Variants in CCDC18 observed in about 807,000 individuals in gnomAD.
The protein encoded by CCDC18 is coiled-coil domain containing 18, also known as coiled-coil domain-containing protein 18.
A neutral mutation model predicts 196.0 loss-of-function variants in CCDC18; 157 were observed. The ratio of observed to expected loss-of-function variants is 0.80; its 90% confidence interval spans 0.70 to 0.91. The LOEUF is 0.91. Among genes scored for constraint, CCDC18 ranks in the 40% least tolerant of loss-of-function variants. CCDC18 has a pLI of 0.00. For synonymous variants in CCDC18, 482 were observed against 529.2 expected (o/e 0.91, Z 1.22); for missense variants, 1,465 against 1,611.6 (o/e 0.91, Z 1.56).
intron 26 of CCDC18, 41 bp from the exon 27 acceptor site, chr1:93,264,659 AT>A: frequency 3.2e-6 from 4 of 1,238,378 alleles, no homozygotes; most frequent in South Asian, 2.7e-5. Context: ...GTTTCCTTCC[AT>A]TTTTTTATTT....
chr1:93,228,678 CT>C (rs35733080), intron 17 of CCDC18, among the ~76,000 whole-genome samples: 131 of 146,092 alleles, frequency 9.0e-4, no homozygotes, highest in Admixed American at 9.5e-4. Context: ...TAGGAATGTC[CT>C]TTTTTTTTTT....
At position 93,227,683 on chromosome 1, in the gene CCDC18, G is replaced by A. The variant is rs910862199; in HGVS notation, c.2292+1234G>A. Among the ~76,000 whole-genome samples the A allele has an allele frequency of 2.0e-5, 3 of 151,910 alleles. No individual in the cohort carries two copies. In the South Asian group the frequency reaches 6.2e-4, roughly 32 times the overall value. ...CAAGGTTGACTTTTGGCCACTCATT[G>A]TTGCTCACGCCTATAAGCCCAGCAC... On this transcript the variant is annotated intron_variant, in intron 17 of 28. Coordinates refer to ENST00000690025, the MANE Select transcript of CCDC18 (RefSeq NM_001378204.1).
intron 28 of CCDC18, among the ~76,000 whole-genome samples, 179 bp from the exon 29 acceptor site, chr1:93,278,284 C>T (rs1024152005): frequency 6.6e-6 from 1 of 152,128 alleles, no homozygotes; most frequent in African/African-American, 2.4e-5. Flanking sequence ...CCACTGCACC[C>T]GGCCTGCATT....
At chr1:93,190,985 A>G (rs1171285108) in intron 4 of CCDC18, 2 of 1,010,412 alleles carry the variant, frequency 2.0e-6, no homozygotes, top group Non-Finnish European at 3.1e-6. Context: ...CCCTTCTTGT[A>G]CTGTGTCACT....
chr1:93,192,150 A>G, intron 5 of CCDC18, 44 bp downstream of exon 5: 1 of 1,257,742 alleles, frequency 8.0e-7, no homozygotes, highest in Non-Finnish European at 1.2e-6. Flanking sequence ...TTTTCTACTT[A>G]TACATTTTAT....
intron 12 of CCDC18, among the ~76,000 whole-genome samples, chr1:93,215,472 T>C (rs1023147267): frequency 6.7e-6 from 1 of 148,270 alleles, no homozygotes; most frequent in African/African-American, 2.6e-5. Flanking sequence ...TTTTTTTTTC[T>C]TAGAGACAGG....
In CCDC18 at chr1:93,236,246, A is replaced by C; in HGVS notation, c.2461-2A>C. ...AATGTTTACTGAAAACTGCTTTACA[A>C]GGTGTCAAAACTGGAACAAGAACTT... On this transcript the variant is annotated splice_acceptor_variant, in intron 18 of 28. Coordinates refer to ENST00000690025, the MANE Select transcript of CCDC18 (RefSeq NM_001378204.1). LOFTEE classifies it high-confidence loss of function. 1 of 1,565,574 alleles carries C rather than the reference A, an allele frequency of 6.4e-7. No individual in the cohort carries two copies. Among genetic ancestry groups the C allele is most frequent in the South Asian group, 1.2e-5 (1 of 82,752 alleles).
intron 2 of CCDC18, 131 bp downstream of exon 2, chr1:93,183,626 A>G (rs903933087): frequency 1.5e-6 from 1 of 645,578 alleles, no homozygotes; most frequent in Admixed American, 4.0e-5. Flanking sequence ...ATACTTTTTA[A>G]TGTAACTTTC....
chr1:93,236,294 C>CT lies in CCDC18; in HGVS notation c.2508dup (p.Glu837Ter). The CT allele has an allele frequency of 6.3e-7, 1 of 1,577,464 alleles. No individual in the cohort carries two copies. The highest frequency in any genetic ancestry group is 8.6e-7 in the Non-Finnish European group (1 of 1,168,578). ...CTTCAAAAACAAAGGGAAAGTTCAG[C>CT]TGAAAAGTTGAGAAAAATGGAGGAG... is the stretch of plus-strand genomic sequence containing the variant. On this transcript the variant is annotated frameshift_variant, in exon 19 of 29. Coordinates refer to ENST00000690025, the MANE Select transcript of CCDC18 (RefSeq NM_001378204.1). LOFTEE classifies it high-confidence loss of function.
chr1:93,263,664 GAAGTTCC>G (rs1664115437), intron 26 of CCDC18, among the ~76,000 whole-genome samples: 1 of 152,164 alleles, frequency 6.6e-6, no homozygotes, highest in Non-Finnish European at 1.5e-5. Flanking sequence ...AAGTCTGTAG[GAAGTTCC>G]AAACTTTCTC....
chr1:93,183,097 A>G (rs1325292421), intron 1 of CCDC18, among the ~76,000 whole-genome samples: 4 of 152,176 alleles, frequency 2.6e-5, no homozygotes. Flanking sequence ...AAGATCAGGT[A>G]TGCTTACAAA....
chr1:93,222,056 A>T, intron 16 of CCDC18, 120 bp downstream of exon 16: 4 of 626,004 alleles, frequency 6.4e-6, no homozygotes. Flanking sequence ...TGCAACCTTG[A>T]ACTCCTGAGC....
chr1:93,224,112 C>G (rs573088443), intron 16 of CCDC18, among the ~76,000 whole-genome samples: 2 of 151,952 alleles, frequency 1.3e-5, no homozygotes, highest in Non-Finnish European at 2.9e-5. Flanking sequence ...ATTTCAAGCC[C>G]ACAAAAAATT....
At chr1:93,199,152 C>T (rs540633815) in intron 6 of CCDC18, among the ~76,000 whole-genome samples, 2 of 152,346 alleles carry the variant, frequency 1.3e-5, no homozygotes, top group South Asian at 2.1e-4. Context: ...CCGAGTTTTA[C>T]TCTGGCCCAG....
At chr1:93,186,279 C>T in intron 3 of CCDC18, 66 bp from the exon 4 acceptor site, 2 of 1,416,190 alleles carry the variant, frequency 1.4e-6, no homozygotes, top group East Asian at 2.4e-5. Flanking sequence ...CATAATTTTC[C>T]ATTAATTACA....
chr1:93,206,663 T>C (rs1460714817), intron 8 of CCDC18, among the ~76,000 whole-genome samples: 2 of 152,172 alleles, frequency 1.3e-5, no homozygotes, highest in Non-Finnish European at 2.9e-5. Context: ...AAGTCATTGA[T>C]GCTGGGCTCT....
At chr1:93,200,071 A>G (rs1362902144) in intron 6 of CCDC18, 2 of 152,324 alleles carry the variant, frequency 1.3e-5, no homozygotes, top group African/African-American at 4.8e-5. Context: ...TGCAGCCTCA[A>G]ACCCCTGCGT....
intron 4 of CCDC18, among the ~76,000 whole-genome samples, chr1:93,191,482 A>G (rs1028377720): frequency 2.0e-5 from 3 of 152,192 alleles, no homozygotes; most frequent in Admixed American, 6.5e-5. Context: ...AGTGATAGTT[A>G]TCTTATTGAT....
At chr1:93,258,986 A>C in intron 26 of CCDC18, 101 bp downstream of exon 26, 1 of 928,838 alleles carries the variant, frequency 1.1e-6, no homozygotes, top group South Asian at 2.3e-5. Flanking sequence ...TTATTGAATA[A>C]TACATTGTGG....
Sources: gnomAD v4.1 joint callset for allele counts (sites outside exome capture counted in the v4.1 genomes callset) on GRCh38, gnomAD v4.1.1 for gene constraint, MANE v1.5 for transcripts, NCBI Gene and HGNC (gene_info 2026-07-23, HGNC 2026-07-21) for gene names.